AASS: variants seen among roughly 807,000 people sequenced by gnomAD.
AASS encodes the protein aminoadipate-semialdehyde synthase.
AASS carries 86 observed loss-of-function variants against 105.4 expected under a neutral mutation model. The ratio of observed to expected loss-of-function variants is 0.82; its 90% CI spans 0.69 to 0.98. The LOEUF is 0.98. Ranked by LOEUF, AASS falls within the 50% of genes least tolerant of loss-of-function variation. The probability of loss-of-function intolerance (pLI) is 0.00; values close to 1 mark genes in which losing one functional copy is unlikely to be tolerated. For missense variants in AASS, 1,048 were observed against 1,143.2 expected (o/e 0.92, Z 1.20); for synonymous variants, 381 against 394.8 (o/e 0.96, Z 0.41).
At chr7:122,131,966 T>C (rs949561660) in intron 2 of AASS, among the ~76,000 whole-genome samples, 1 of 152,052 alleles carries the variant, frequency 6.6e-6, no homozygotes, top group Non-Finnish European at 1.5e-5. Flanking sequence ...GGTAAATGGA[T>C]TGAATGAAAA....
Position 122,092,847 on chromosome 7 carries a change from G to C in AASS, c.1871C>G (p.Ala624Gly). The C allele has an allele frequency of 6.2e-7, 1 of 1,613,398 alleles. No homozygotes were observed. Among genetic ancestry groups the C allele is most frequent in the South Asian group, 1.1e-5 (1 of 91,086 alleles). ...TTGGGTACAAATTGGGCTCACCGTG[G>C]CTCCCACTTCCTTGGCTTTATCTAT... Reference protein sequence around the residue: ...ETIDKAKEVGATIESYISYCG... With the variant: ...ETIDKAKEVGGTIESYISYCG... The change falls in exon 17 of 24, where the codon GCC becomes GGC. Residue 624 changes from alanine (A) to glycine (G), a missense_variant. Coordinates refer to ENST00000417368, the MANE Select transcript of AASS (RefSeq NM_005763.4).
chr7:122,096,769 C>T (rs1450504451), intron 15 of AASS, among the ~76,000 whole-genome samples: 1 of 151,928 alleles, frequency 6.6e-6, no homozygotes, highest in African/African-American at 2.4e-5. Context: ...TATTGAAGGC[C>T]ACTAGTTTGC....
chr7:122,115,824 T>G (rs958563857), intron 8 of AASS, among the ~76,000 whole-genome samples: 2 of 152,176 alleles, frequency 1.3e-5, no homozygotes, highest in African/African-American at 4.8e-5. Flanking sequence ...ATTCCAAATT[T>G]TTCAGTTTGA....
At position 122,090,697 on chromosome 7, in the gene AASS, G is replaced by A. The variant is rs542832355; in HGVS notation, c.2016+1006C>T. 3.3e-5 allele frequency among the ~76,000 whole-genome samples: 5 copies of A among 152,206 alleles called. No homozygotes were observed. In the South Asian group the frequency reaches 6.2e-4, roughly 19 times the overall value. ...AATTCAAAGAGGCACTCTGAGTCTC[G>A]TTTCATTTTTCTCCAAACTATGAGC... On this transcript the variant is annotated intron_variant, in intron 18 of 23. Transcript: ENST00000417368.
intron 13 of AASS, among the ~76,000 whole-genome samples, 169 bp from the exon 14 acceptor site, chr7:122,099,035 TAAC>T (rs1481621445): frequency 6.6e-6 from 1 of 151,978 alleles, no homozygotes; most frequent in East Asian, 1.9e-4. Flanking sequence ...GAGTTCCCTA[TAAC>T]AACATGTTTC....
intron 19 of AASS, chr7:122,081,921 T>C (rs920002787): frequency 1.0e-5 from 3 of 298,092 alleles, no homozygotes; most frequent in Non-Finnish European, 1.9e-5. Context: ...TGTTTCTGGG[T>C]AACATGTGAA....
chr7:122,094,656 C>A (rs1287134516), intron 15 of AASS, among the ~76,000 whole-genome samples: 1 of 152,080 alleles, frequency 6.6e-6, no homozygotes, highest in Non-Finnish European at 1.5e-5. Flanking sequence ...AATTTGATAT[C>A]TTGTGATTAT....
intron 11 of AASS, among the ~76,000 whole-genome samples, chr7:122,101,905 A>G (rs1794451214): frequency 6.6e-6 from 1 of 151,934 alleles, no homozygotes; most frequent in African/African-American, 2.4e-5. Flanking sequence ...TAAAACTAAA[A>G]TTGGATTATA....
chr7:122,126,241 C>T, intron 4 of AASS, 134 bp downstream of exon 4: 2 of 806,694 alleles, frequency 2.5e-6, no homozygotes, highest in South Asian at 2.7e-5. Flanking sequence ...ATTCATCATC[C>T]TTCAGCATAC....
rs1792989699 is a variant in AASS at position 122,076,097 on chromosome 7, C to T, written c.*392G>A. On this transcript the variant is annotated 3_prime_UTR_variant, in exon 24 of 24. Coordinates refer to ENST00000417368, the MANE Select transcript of AASS (RefSeq NM_005763.4). ...GCTGAGGCAGGAGAATGGCGTGAAC[C>T]CAGGAGGCGGAGCTTGCAGTGAGCC... The T allele has an allele frequency of 5.3e-6, 1 of 188,496 alleles. No homozygotes were observed. Among genetic ancestry groups the T allele is most frequent in the Non-Finnish European group, 1.1e-5 (1 of 90,742 alleles). The allele number at this position is 188,496 out of a possible 1,614,324, so 11.7% of individuals were successfully genotyped here.
chr7:122,082,880 G>C, intron 19 of AASS: 4 of 1,287,856 alleles, frequency 3.1e-6, no homozygotes, highest in Non-Finnish European at 4.1e-6. Context: ...CCATTATTCA[G>C]CATTCCAATC....
chr7:122,142,695 A>G (rs1796459960), intron 1 of AASS, among the ~76,000 whole-genome samples: 1 of 152,200 alleles, frequency 6.6e-6, no homozygotes, highest in Admixed American at 6.5e-5. Flanking sequence ...CATGAATTGC[A>G]TAGAATCTTT....
At chr7:122,119,503 C>T (rs1250059196) in intron 4 of AASS, among the ~76,000 whole-genome samples, 1 of 152,126 alleles carries the variant, frequency 6.6e-6, no homozygotes, top group Non-Finnish European at 1.5e-5. Context: ...CCTGAGCATC[C>T]ATTCTTTCCT....
chr7:122,087,461 C>G (rs1476677336), intron 18 of AASS, among the ~76,000 whole-genome samples: 1 of 152,074 alleles, frequency 6.6e-6, no homozygotes, highest in African/African-American at 2.4e-5. Flanking sequence ...TCTTGTGAAC[C>G]CTACTAGACT....
chr7:122,110,050 A>G (rs1182127307), intron 11 of AASS, among the ~76,000 whole-genome samples: 1 of 152,110 alleles, frequency 6.6e-6, no homozygotes, highest in African/African-American at 2.4e-5. Context: ...ACACAGGAAA[A>G]CAATTACCTA....
chr7:122,091,994 CATGT>C lies in AASS; in HGVS notation c.1876-155_1876-152del, dbSNP rs1793925970. ...GGCATTCAAAAATACATCTTCAAAG[CATGT>C]ACCATTTGATTAAATAACAGTTAAT... is the stretch of plus-strand genomic sequence containing the variant. On this transcript the variant is annotated intron_variant, in intron 17 of 23. Coordinates refer to ENST00000417368, the MANE Select transcript of AASS (RefSeq NM_005763.4). 5 of 605,740 alleles carry C rather than the reference CATGT, an allele frequency of 8.3e-6. No homozygotes were observed. The South Asian group carries it at 1.1e-4, about 13-fold the overall frequency. 37.5% of individuals were successfully genotyped at this position (605,740 alleles called of 1,614,324 possible).
At position 122,116,770 on chromosome 7, in the gene AASS, G is replaced by A. The variant is rs2150537141; in HGVS notation, c.767-10C>T. On this transcript the variant is annotated splice_polypyrimidine_tract_variant and intron_variant, in intron 7 of 23. Transcript: ENST00000417368. ...TACACTTTTCTGAGGTCTTGAAAAG[G>A]AGAAAGAAATTAGTAAAGTGGGTGA... 6.2e-7 allele frequency: 1 copy of A among 1,613,962 alleles called. No homozygotes were observed. Among genetic ancestry groups the A allele is most frequent in the Non-Finnish European group, 8.5e-7 (1 of 1,179,940 alleles).
intron 15 of AASS, among the ~76,000 whole-genome samples, chr7:122,094,749 T>TA (rs995083613): frequency 2.6e-5 from 4 of 152,182 alleles, no homozygotes; most frequent in Middle Eastern, 3.4e-3. Context: ...CAGCATCATC[T>TA]GTTGTTCACC....
At chr7:122,079,041 A>G in intron 21 of AASS, 91 bp from the exon 22 acceptor site, 1 of 1,607,044 alleles carries the variant, frequency 6.2e-7, no homozygotes, top group South Asian at 1.1e-5. Context: ...TTTAATCTTG[A>G]AAGGGCAGAA....
Sources: allele counts gnomAD v4.1 joint callset (sites outside exome capture counted in the v4.1 genomes callset), GRCh38; gene constraint gnomAD v4.1.1; transcripts MANE v1.5; gene names NCBI Gene and HGNC (gene_info 2026-07-23, HGNC 2026-07-21).